ZNF624: variants seen among roughly 807,000 people sequenced by gnomAD.
ZNF624 encodes the protein zinc finger protein 624.
ZNF624 carries 43 observed loss-of-function variants against 74.7 expected under a neutral mutation model. That is an observed-to-expected ratio of 0.58 (90% CI 0.45 to 0.74). ZNF624 has a LOEUF of 0.74. Ranked by LOEUF, ZNF624 falls within the 30% of genes least tolerant of loss-of-function variation. The pLI, the probability that ZNF624 is intolerant of heterozygous loss-of-function variation, is 0.00. For missense variants in ZNF624, 820 were observed against 1,030.0 expected (o/e 0.80, Z 2.79); for synonymous variants, 331 against 341.3 (o/e 0.97, Z 0.33).
downstream of ZNF624, chr17:16,617,233 C>A: frequency 6.2e-7 from 1 of 1,612,708 alleles, no homozygotes; most frequent in Non-Finnish European, 8.5e-7. Context: ...TGAGACACTT[C>A]CAGATCTACT....
At chr17:16,618,197 T>C (rs561421472), downstream of ZNF624, among the ~76,000 whole-genome samples, 1 of 151,586 alleles carries the variant, frequency 6.6e-6, no homozygotes, top group African/African-American at 2.4e-5. Flanking sequence ...TACAAAAAAT[T>C]AGCCGGGTGT....
intron 5 of ZNF624, 104 bp downstream of exon 5, chr17:16,633,758 T>C (rs1909259203): frequency 5.6e-6 from 5 of 885,642 alleles, no homozygotes; most frequent in Middle Eastern, 2.5e-4. Flanking sequence ...TGAGACAGCG[T>C]TGAACAAATA....
chr17:16,617,923 C>A (rs565415646), downstream of ZNF624: 147 of 1,312,142 alleles, frequency 1.1e-4, 4 homozygotes, highest in Middle Eastern at 3.5e-3. Context: ...TGTGGAACGG[C>A]GGACCGCAAG....
intron 5 of ZNF624, among the ~76,000 whole-genome samples, chr17:16,627,415 C>T (rs1909099066): frequency 6.6e-6 from 1 of 152,186 alleles, no homozygotes; most frequent in South Asian, 2.1e-4. Context: ...CAGAGGAAGT[C>T]ATTTGGACCA....
intron 3 of ZNF624, among the ~76,000 whole-genome samples, chr17:16,641,997 A>G (rs1374045531): frequency 6.6e-6 from 1 of 152,254 alleles, no homozygotes; most frequent in Non-Finnish European, 1.5e-5. Context: ...AACTGAAAGA[A>G]ACTAAAGAAT....
At chr17:16,638,215 C>T (rs1365450811) in intron 3 of ZNF624, among the ~76,000 whole-genome samples, 7 of 152,174 alleles carry the variant, frequency 4.6e-5, no homozygotes, top group Non-Finnish European at 4.4e-5. Flanking sequence ...CAGGAAACAA[C>T]AGGTGCTGGA....
chr17:16,643,575 G>C (rs1909516516), intron 3 of ZNF624, among the ~76,000 whole-genome samples: 1 of 152,142 alleles, frequency 6.6e-6, no homozygotes, highest in Non-Finnish European at 1.5e-5. Flanking sequence ...CAGGGTGATG[G>C]AATGTTCTGT....
intron 3 of ZNF624, among the ~76,000 whole-genome samples, chr17:16,637,246 GC>G (rs1909355750): frequency 1.3e-5 from 2 of 152,206 alleles, no homozygotes; most frequent in Admixed American, 1.3e-4. Flanking sequence ...AACATTCCAT[GC>G]TCATGGGTAG....
chr17:16,615,233 G>A, the ZNF624 span, among the ~76,000 whole-genome samples: 5 of 152,094 alleles, frequency 3.3e-5, no homozygotes, highest in African/African-American at 9.7e-5. Flanking sequence ...GAGTAGCTGG[G>A]AATACAGGCG....
chr17:16,633,234 C>T (rs1055602987), intron 5 of ZNF624, among the ~76,000 whole-genome samples: 1 of 152,202 alleles, frequency 6.6e-6, no homozygotes, highest in African/African-American at 2.4e-5. Flanking sequence ...AAGGCAGGGA[C>T]CTGGTCCATT....
At chr17:16,634,779 A>C in intron 3 of ZNF624, 23 bp from the exon 4 acceptor site, 6 of 1,595,360 alleles carry the variant, frequency 3.8e-6, no homozygotes, top group Non-Finnish European at 5.1e-6. Context: ...CATTGTGATC[A>C]CTTAGAAACT....
At position 16,620,992 on chromosome 17, in the gene ZNF624, T is replaced by C. The variant is rs1484401576; in HGVS notation, c.*1296A>G. The C allele has an allele frequency of 6.6e-6, 1 of 152,184 alleles. No individual in the cohort carries two copies. The highest frequency in any genetic ancestry group is 1.9e-4 in the East Asian group (1 of 5,194). 9.4% of individuals were successfully genotyped at this position (152,184 alleles called of 1,614,324 possible). ...TTACAGTCTCCCCTTCCCTTATCTC[T>C]ACTTCTCCTTTTCTCACTCCCCTCA... On this transcript the variant is annotated 3_prime_UTR_variant, in exon 6 of 6. Coordinates refer to ENST00000311331, the MANE Select transcript of ZNF624 (RefSeq NM_020787.4).
chr17:16,650,411 T>TATTATAATAATA (rs1909695842), intron 1 of ZNF624, among the ~76,000 whole-genome samples: 1 of 148,054 alleles, frequency 6.8e-6, no homozygotes, highest in Non-Finnish European at 1.5e-5. Flanking sequence ...AGGAAGCAGG[T>TATTATAATAATA]ATAATAATAA....
chr17:16,617,882 G>A (rs972685102), downstream of ZNF624: 10 of 1,585,584 alleles, frequency 6.3e-6, no homozygotes, highest in African/African-American at 1.1e-4. Context: ...CGCGCGGCAT[G>A]TCCGTGGCGG....
chr17:16,626,703 G>T (rs563499182), intron 5 of ZNF624, among the ~76,000 whole-genome samples: 101 of 152,330 alleles, frequency 6.6e-4, no homozygotes, highest in South Asian at 1.2e-3. Flanking sequence ...AGTGAGCTAT[G>T]ATTGCATCAC....
intron 1 of ZNF624, among the ~76,000 whole-genome samples, chr17:16,650,638 C>T (rs1264940520): frequency 6.6e-6 from 1 of 152,048 alleles, no homozygotes; most frequent in East Asian, 1.9e-4. Flanking sequence ...GTTCAAGAAC[C>T]AGGAGTGCCT....
chr17:16,650,411 TATA>T (rs58272736), intron 1 of ZNF624, among the ~76,000 whole-genome samples: 4,623 of 148,006 alleles, frequency 0.031, 119 homozygotes, highest in African/African-American at 0.071. Flanking sequence ...AGGAAGCAGG[TATA>T]ATAATAATAA....
At chr17:16,638,655 T>C (rs183502284) in intron 3 of ZNF624, among the ~76,000 whole-genome samples, 290 of 152,088 alleles carry the variant, frequency 1.9e-3, no homozygotes, top group Admixed American at 3.5e-3. Context: ...AGGTGGGAAT[T>C]GAACAATGAG....
At chr17:16,640,291 G>C (rs1449129552) in intron 3 of ZNF624, among the ~76,000 whole-genome samples, 1 of 152,008 alleles carries the variant, frequency 6.6e-6, no homozygotes, top group African/African-American at 2.4e-5. Flanking sequence ...GAAATTTATA[G>C]CTATAAAATG....
Sources: allele counts gnomAD v4.1 joint callset (sites outside exome capture counted in the v4.1 genomes callset), GRCh38; gene constraint gnomAD v4.1.1; transcripts MANE v1.5; gene names NCBI Gene and HGNC (gene_info 2026-07-23, HGNC 2026-07-21).